The following SRPRB variants were observed in gnomAD, a reference collection of about 807,000 sequenced individuals.
SRPRB encodes the protein signal recognition particle receptor subunit beta.
Under a neutral mutation model 31.9 loss-of-function variants are expected in SRPRB, and 20 were observed. That is an observed-to-expected ratio of 0.63 (90% confidence interval 0.44 to 0.91). The LOEUF is 0.91. SRPRB is among the 40% of genes least tolerant of loss of function. The probability of loss-of-function intolerance (pLI) is 0.00; values close to 1 mark genes in which losing one functional copy is unlikely to be tolerated. For missense variants in SRPRB, 321 were observed against 324.9 expected, an observed-to-expected ratio of 0.99 and a Z score of 0.09; for synonymous variants, 146 against 132.8, an observed-to-expected ratio of 1.10 and a Z score of -0.68.
At chr3:133,806,058 G>A (rs1007895726) in intron 1 of SRPRB, 56 bp downstream of exon 1, 19 of 1,581,542 alleles carry the variant, frequency 1.2e-5, no homozygotes, top group Non-Finnish European at 1.2e-5. Context: ...TCCGGGCTTT[G>A]GCTGCACCGC....
upstream of SRPRB, among the ~76,000 whole-genome samples, chr3:133,804,670 A>G (rs1488013708): frequency 1.3e-5 from 2 of 151,996 alleles, no homozygotes; most frequent in Admixed American, 1.3e-4. Context: ...GTCATCAGGC[A>G]TGGGTGCCTG....
chr3:133,786,236 A>C lies in SRPRB; in HGVS notation c.-174+2092A>C, dbSNP rs1176532443. 2 of 77,348 alleles carry C rather than the reference A, an allele frequency of 2.6e-5. 1 individual carries two copies. The highest frequency in any genetic ancestry group is 1.2e-3 in the South Asian group (2 of 1,686). 4.8% of individuals were successfully genotyped at this position (77,348 alleles called of 1,614,324 possible). A position where few individuals can be genotyped will look rare whatever the true frequency, so the allele number is the denominator to read the frequency against. On this transcript the variant is annotated intron_variant, in intron 1 of 7. Transcript: ENST00000466490. ...AAAAAATAAATTAAAAAAAAAAAAA[A>C]AAAACAATACTATTTTTTGAACTAT...
Position 133,815,722 on chromosome 3 carries a change from G to A in SRPRB, c.543G>A (p.Lys181=). 2.5e-6 allele frequency: 4 copies of A among 1,612,832 alleles called. No homozygotes were observed. Among genetic ancestry groups the A allele is most frequent in the Non-Finnish European group, 3.4e-6 (4 of 1,179,178 alleles). ...NTPSFLIACN[K]QDIAMAKSAK... ...CATCATTCTTAATAGCCTGCAATAA[G>A]CAAGGTGCCATCATGTTTTCTTGCA... is the stretch of plus-strand genomic sequence containing the variant. Residue 181 remains lysine, a synonymous_variant, in exon 5 of 7, where the codon AAG becomes AAA. Transcript: ENST00000678299.
At chr3:133,818,892 G>C (rs1486340909) in intron 6 of SRPRB, among the ~76,000 whole-genome samples, 1 of 151,402 alleles carries the variant, frequency 6.6e-6, no homozygotes, top group Admixed American at 6.6e-5. Context: ...CAACTTTACA[G>C]AACAAGAAAT....
chr3:133,828,255 CT>C (rs1326115459), downstream of SRPRB: 1 of 496,628 alleles, frequency 2.0e-6, no homozygotes, highest in Non-Finnish European at 3.6e-6. Context: ...TTTGATTTAA[CT>C]GGAGTAGGGC....
downstream of SRPRB, chr3:133,826,059 A>C (rs1935557253): frequency 6.6e-6 from 1 of 152,260 alleles, no homozygotes; most frequent in African/African-American, 2.4e-5. Flanking sequence ...AAATCAGGGA[A>C]CCAACAACTT....
intron 4 of SRPRB, among the ~76,000 whole-genome samples, chr3:133,812,344 A>G (rs1449911584): frequency 6.6e-6 from 1 of 152,236 alleles, no homozygotes; most frequent in Non-Finnish European, 1.5e-5. Flanking sequence ...TCCTTGGACA[A>G]TTGAGACAAA....
At chr3:133,811,902 G>A (rs143843126) in intron 4 of SRPRB, among the ~76,000 whole-genome samples, 12 of 152,214 alleles carry the variant, frequency 7.9e-5, no homozygotes, top group African/African-American at 2.4e-4. Flanking sequence ...CTCAAATTAC[G>A]TAAAATTGAT....
rs1051310144 is a variant in SRPRB, at chr3:133,800,474, C to T, written c.-173-5202C>T. On this transcript the variant is annotated intron_variant, in intron 1 of 7. Coordinates refer to the SRPRB transcript ENST00000466490. ...GGACTCACCTTTCTCCCCTTCCATC[C>T]TTTAAGGGACTGGAGGGAGCTGCCC... is the stretch of plus-strand genomic sequence containing the variant. Among the ~76,000 whole-genome samples the T allele has an allele frequency of 6.6e-5, 10 of 152,296 alleles. No homozygotes were observed. In the South Asian group the frequency reaches 2.1e-3, roughly 32 times the overall value.
chr3:133,826,615 T>C (rs1935567562), downstream of SRPRB: 1 of 152,678 alleles, frequency 6.5e-6, no homozygotes, highest in Non-Finnish European at 1.5e-5. Flanking sequence ...GGTGTGCCCA[T>C]GGTGGGGGGA....
At chr3:133,817,339 T>C (rs762425723) in intron 6 of SRPRB, among the ~76,000 whole-genome samples, 2 of 151,976 alleles carry the variant, frequency 1.3e-5, no homozygotes, top group Non-Finnish European at 2.9e-5. Flanking sequence ...TAATAAAAAA[T>C]AAAAACTGAG....
chr3:133,814,782 T>C (rs373616762), intron 4 of SRPRB, among the ~76,000 whole-genome samples: 2 of 152,366 alleles, frequency 1.3e-5, no homozygotes, highest in Non-Finnish European at 1.5e-5. Flanking sequence ...TGCTGCACTT[T>C]AGCTTTGATA....
chr3:133,823,814 T>TTAAG (rs1935511712), downstream of SRPRB, among the ~76,000 whole-genome samples: 1 of 152,148 alleles, frequency 6.6e-6, no homozygotes, highest in Non-Finnish European at 1.5e-5. Context: ...ATAGTTCACC[T>TTAAG]TAAGTTCTTG....
chr3:133,787,860 G>C (rs1454936313), intron 1 of SRPRB: 1 of 152,154 alleles, frequency 6.6e-6, no homozygotes, highest in Non-Finnish European at 1.5e-5. Flanking sequence ...GACAAAAATA[G>C]TAAAGTAACA....
At chr3:133,823,113 G>T (rs148778453), downstream of SRPRB, among the ~76,000 whole-genome samples, 1 of 152,168 alleles carries the variant, frequency 6.6e-6, no homozygotes. Context: ...ACTCCTAAGC[G>T]CTGTGTGGGC....
chr3:133,796,311 G>A (rs932889329), intron 1 of SRPRB: 2 of 152,320 alleles, frequency 1.3e-5, no homozygotes, highest in Non-Finnish European at 2.9e-5. Context: ...ACAAAAGAAA[G>A]ACCATCGGCC....
rs184456080 is a variant in SRPRB, at chr3:133,816,173, A to G, written c.547+447A>G. On this transcript the variant is annotated intron_variant, in intron 5 of 6. Coordinates refer to ENST00000678299, the MANE Select transcript of SRPRB (RefSeq NM_001379313.1). ...GAAAACTTTTCTAGTAATCCCCAAT[A>G]AAACTGGGCTTCAGTTCCGTTACCT... 5.3e-5 allele frequency among the ~76,000 whole-genome samples: 8 copies of G among 152,368 alleles called. No homozygotes were observed. In the East Asian group the frequency reaches 1.2e-3, roughly 22 times the overall value.
At chr3:133,809,222 A>T (rs1474900992) in intron 3 of SRPRB, among the ~76,000 whole-genome samples, 1 of 152,014 alleles carries the variant, frequency 6.6e-6, no homozygotes, top group East Asian at 2.0e-4. Flanking sequence ...TGAACTCCTG[A>T]CCTCAAGTGA....
At chr3:133,807,617 T>A (rs1260864313) in intron 2 of SRPRB, 129 bp from the exon 3 acceptor site, 3 of 649,324 alleles carry the variant, frequency 4.6e-6, no homozygotes, top group Non-Finnish European at 8.1e-6. Flanking sequence ...AAAATCAATA[T>A]CGTCTTTTTC....
Sources: gnomAD v4.1 joint callset for allele counts (sites outside exome capture counted in the v4.1 genomes callset) on GRCh38, gnomAD v4.1.1 for gene constraint, MANE v1.5 for transcripts, NCBI Gene and HGNC (gene_info 2026-07-23, HGNC 2026-07-21) for gene names.